GPR158: variants seen among roughly 807,000 people sequenced by gnomAD.
The protein encoded by GPR158 is metabotropic glycine receptor.
In GPR158, 30 loss-of-function variants were observed where a neutral mutation model predicts 78.2. The observed-to-expected ratio is 0.38, with a 90% CI of 0.29 to 0.52. GPR158 has a LOEUF of 0.52. GPR158 is among the 20% of genes least tolerant of loss of function. The probability of loss-of-function intolerance (pLI) is 0.83; values close to 1 mark genes in which losing one functional copy is unlikely to be tolerated. For missense variants in GPR158, 1,463 were observed against 1,523.5 expected, an observed-to-expected ratio of 0.96 and a Z score of 0.66; for synonymous variants, 581 against 591.1, an observed-to-expected ratio of 0.98 and a Z score of 0.25.
chr10:25,563,450 A>T (rs527994417), intron 6 of GPR158, among the ~76,000 whole-genome samples: 2 of 152,358 alleles, frequency 1.3e-5, no homozygotes, highest in East Asian at 3.9e-4. Flanking sequence ...CTCATAAGGA[A>T]GGACTTGTTC....
chr10:25,200,110 G>A (rs1416681832), intron 1 of GPR158, among the ~76,000 whole-genome samples: 1 of 152,108 alleles, frequency 6.6e-6, no homozygotes, highest in Non-Finnish European at 1.5e-5. Flanking sequence ...CACAATGACT[G>A]GACTAATTTA....
intron 2 of GPR158, among the ~76,000 whole-genome samples, chr10:25,380,472 A>T (rs1411838219): frequency 1.3e-5 from 2 of 152,092 alleles, no homozygotes; most frequent in African/African-American, 4.8e-5. Context: ...AATGCAGTTC[A>T]TTCATTTTTC....
At chr10:25,232,781 A>T (rs1853467736) in intron 2 of GPR158, among the ~76,000 whole-genome samples, 1 of 152,170 alleles carries the variant, frequency 6.6e-6, no homozygotes, top group Non-Finnish European at 1.5e-5. Flanking sequence ...TATTTTTGTC[A>T]TTTGAAGCCA....
intron 3 of GPR158, among the ~76,000 whole-genome samples, chr10:25,410,386 GGC>G (rs1834567426): frequency 6.6e-6 from 1 of 152,160 alleles, no homozygotes; most frequent in Admixed American, 6.5e-5. Flanking sequence ...GGGAGGCTGA[GGC>G]AGGTGGATAA....
chr10:25,321,219 T>C (rs1313947041), intron 2 of GPR158, among the ~76,000 whole-genome samples: 1 of 152,204 alleles, frequency 6.6e-6, no homozygotes, highest in African/African-American at 2.4e-5. Context: ...TAAATATGTA[T>C]TTTTATTGGT....
chr10:25,584,306 A>C (rs1248855958), intron 7 of GPR158, among the ~76,000 whole-genome samples: 2 of 152,230 alleles, frequency 1.3e-5, no homozygotes, highest in Non-Finnish European at 1.5e-5. Flanking sequence ...TGCTAGTCTG[A>C]AGTTAATTAT....
At chr10:25,284,695 C>T (rs1346309115) in intron 2 of GPR158, among the ~76,000 whole-genome samples, 1 of 151,358 alleles carries the variant, frequency 6.6e-6, no homozygotes. Context: ...TATTTTTTCT[C>T]TTTTTCTGTC....
chr10:25,546,286 C>G (rs952444109), intron 5 of GPR158, among the ~76,000 whole-genome samples: 1 of 152,134 alleles, frequency 6.6e-6, no homozygotes, highest in African/African-American at 2.4e-5. Flanking sequence ...TAATAGTCTT[C>G]TCCTTTGTGG....
At chr10:25,235,600 C>G (rs992390293) in intron 2 of GPR158, among the ~76,000 whole-genome samples, 8 of 151,462 alleles carry the variant, frequency 5.3e-5, no homozygotes, top group Admixed American at 1.3e-4. Flanking sequence ...GTTTTTGATT[C>G]AAACCACCCA....
At chr10:25,569,955 G>A (rs1169292144) in intron 6 of GPR158, among the ~76,000 whole-genome samples, 1 of 152,106 alleles carries the variant, frequency 6.6e-6, no homozygotes, top group African/African-American at 2.4e-5. Context: ...TATTTAAAAT[G>A]TTTACATTAA....
intron 1 of GPR158, among the ~76,000 whole-genome samples, chr10:25,187,882 C>A (rs1349234218): frequency 1.3e-5 from 2 of 152,142 alleles, no homozygotes; most frequent in Non-Finnish European, 2.9e-5. Context: ...ATCCAGAAAA[C>A]CCCATCGTCT....
intron 4 of GPR158, among the ~76,000 whole-genome samples, chr10:25,453,344 A>G (rs112908347): frequency 8.9e-4 from 136 of 152,314 alleles, no homozygotes; most frequent in African/African-American, 3.1e-3. Context: ...TCATCCCACC[A>G]GTATGCAGGG....
intron 4 of GPR158, among the ~76,000 whole-genome samples, chr10:25,452,501 C>T (rs1835234331): frequency 6.6e-6 from 1 of 152,164 alleles, no homozygotes; most frequent in Non-Finnish European, 1.5e-5. Flanking sequence ...GTGGCACCCA[C>T]CCAGCATGTC....
At chr10:25,449,589 G>A (rs1338952573) in intron 4 of GPR158, among the ~76,000 whole-genome samples, 1 of 152,182 alleles carries the variant, frequency 6.6e-6, no homozygotes, top group Non-Finnish European at 1.5e-5. Context: ...GTGGTTACCA[G>A]GGGTAGGAGG....
intron 2 of GPR158, among the ~76,000 whole-genome samples, chr10:25,232,377 G>A (rs1379945323): frequency 1.3e-5 from 2 of 152,194 alleles, no homozygotes; most frequent in Non-Finnish European, 2.9e-5. Flanking sequence ...GTGGAAAGTT[G>A]TCAAAGCTTT....
intron 5 of GPR158, among the ~76,000 whole-genome samples, chr10:25,523,955 T>A (rs1307460324): frequency 1.3e-5 from 2 of 152,086 alleles, no homozygotes; most frequent in East Asian, 3.8e-4. Context: ...AAAAAAAAGA[T>A]CTTTAGAACT....
intron 4 of GPR158, among the ~76,000 whole-genome samples, chr10:25,438,692 C>T (rs949920623): frequency 3.3e-5 from 5 of 152,128 alleles, no homozygotes; most frequent in African/African-American, 4.8e-5. Context: ...ATGAAAGGAG[C>T]GTATTTTATG....
chr10:25,348,778 A>T (rs1855412192), intron 2 of GPR158, among the ~76,000 whole-genome samples: 1 of 152,026 alleles, frequency 6.6e-6, no homozygotes, highest in African/African-American at 2.4e-5. Flanking sequence ...TTGGGAAACT[A>T]GTATGTGGCA....
intron 4 of GPR158, among the ~76,000 whole-genome samples, chr10:25,457,281 A>G (rs188978160): frequency 1.1e-3 from 166 of 151,136 alleles, no homozygotes; most frequent in African/African-American, 3.8e-3. Flanking sequence ...GATGTGAGCC[A>G]CTGCGTCTGG....
Sources: gnomAD v4.1 joint callset for allele counts (sites outside exome capture counted in the v4.1 genomes callset) on GRCh38, gnomAD v4.1.1 for gene constraint, MANE v1.5 for transcripts, NCBI Gene and HGNC (gene_info 2026-07-23, HGNC 2026-07-21) for gene names.